The following TANGO6 variants were observed in gnomAD, a reference collection of about 807,000 sequenced individuals.
TANGO6 encodes the protein transport and Golgi organization protein 6 homolog.
TANGO6 carries 90 observed loss-of-function variants against 114.2 expected under a neutral mutation model. The observed-to-expected ratio is 0.79, with a 90% CI of 0.66 to 0.94. The LOEUF (loss-of-function observed/expected upper bound fraction) is 0.94. TANGO6 is among the 40% of genes least tolerant of loss of function. The pLI is 0.00. For missense variants in TANGO6, 1,274 were observed against 1,315.3 expected, an observed-to-expected ratio of 0.97 and a Z score of 0.49; for synonymous variants, 477 against 509.8, an observed-to-expected ratio of 0.94 and a Z score of 0.87.
chr16:68,877,104 T>C (rs113652508), intron 5 of TANGO6, among the ~76,000 whole-genome samples: 67 of 152,356 alleles, frequency 4.4e-4, no homozygotes, highest in African/African-American at 1.5e-3. Flanking sequence ...ATATGCTTTA[T>C]GTACCTATTT....
rs1271005258 is a variant in TANGO6 at position 68,860,523 on chromosome 16, A to T, written c.734A>T (p.Glu245Val). Residue 245 changes from glutamate (E) to valine (V), a missense_variant and splice_region_variant, in exon 2 of 18, where the codon GAG becomes GTG. This residue lies in a region of TANGO6 where 908 missense variants were observed against 910.2 expected (regional missense o/e 1.00). Coordinates refer to ENST00000261778, the MANE Select transcript of TANGO6 (RefSeq NM_024562.2). ...TKRKLLTPAE[E>V]VLTEEERTLS... ...AGAAAACTGCTAACACCTGCAGAAG[A>T]GGTAAATATACATTGAGAAAGAGAG... is the stretch of plus-strand genomic sequence containing the variant. 1.2e-6 allele frequency: 2 copies of T among 1,610,380 alleles called. No homozygotes were observed. Among genetic ancestry groups the T allele is most frequent in the Admixed American group, 1.7e-5 (1 of 59,942 alleles).
chr16:68,983,545 C>G (rs1368450111), intron 15 of TANGO6, among the ~76,000 whole-genome samples: 4 of 152,096 alleles, frequency 2.6e-5, no homozygotes, highest in African/African-American at 9.7e-5. Context: ...GAGGTCAACT[C>G]ATAGACAAAT....
At chr16:68,982,803 A>G (rs1047420734) in intron 15 of TANGO6, among the ~76,000 whole-genome samples, 3 of 151,804 alleles carry the variant, frequency 2.0e-5, no homozygotes, top group Non-Finnish European at 4.4e-5. Flanking sequence ...ACCTTCGTAT[A>G]TATGCCTCTT....
intron 17 of TANGO6, among the ~76,000 whole-genome samples, chr16:69,066,373 CA>C (rs936384955): frequency 6.6e-6 from 1 of 152,186 alleles, no homozygotes; most frequent in Non-Finnish European, 1.5e-5. Flanking sequence ...TGGCTCGCTG[CA>C]ACCTCTGCCT....
chr16:69,008,115 T>C (rs1287251014), intron 15 of TANGO6, among the ~76,000 whole-genome samples: 1 of 152,090 alleles, frequency 6.6e-6, no homozygotes. Flanking sequence ...AAAAAAAGAA[T>C]AGGCTTTTTC....
chr16:68,951,850 G>C (rs1365524197), intron 14 of TANGO6, among the ~76,000 whole-genome samples: 1 of 152,134 alleles, frequency 6.6e-6, no homozygotes, highest in Non-Finnish European at 1.5e-5. Flanking sequence ...CTGACCTTGT[G>C]ATCCACCCGC....
chr16:68,905,173 T>A (rs1371605972), intron 9 of TANGO6, among the ~76,000 whole-genome samples: 1 of 151,406 alleles, frequency 6.6e-6, no homozygotes, highest in Admixed American at 6.6e-5. Flanking sequence ...GAGGTTGCGG[T>A]GGGCCGAGAT....
intron 11 of TANGO6, among the ~76,000 whole-genome samples, chr16:68,917,775 T>C (rs1963027224): frequency 6.6e-6 from 1 of 152,154 alleles, no homozygotes; most frequent in Non-Finnish European, 1.5e-5. Flanking sequence ...CTTTTCAAGA[T>C]AGGATCTCTC....
intron 17 of TANGO6, among the ~76,000 whole-genome samples, chr16:69,058,660 C>T (rs1960070727): frequency 2.6e-5 from 4 of 152,112 alleles, no homozygotes. Flanking sequence ...GCTTCCTTAA[C>T]CATTGGACTT....
chr16:68,847,623 C>A (rs1366467280), intron 1 of TANGO6, among the ~76,000 whole-genome samples: 1 of 152,202 alleles, frequency 6.6e-6, no homozygotes, highest in Non-Finnish European at 1.5e-5. Flanking sequence ...AAATAACACT[C>A]ATTTCCGTTT....
chr16:68,984,124 A>G (rs1474257268), intron 15 of TANGO6, among the ~76,000 whole-genome samples: 1 of 152,166 alleles, frequency 6.6e-6, no homozygotes, highest in African/African-American at 2.4e-5. Flanking sequence ...TTCAGGTGAA[A>G]AGGGAGGTTG....
intron 1 of TANGO6, among the ~76,000 whole-genome samples, chr16:68,844,429 G>A (rs184350890): frequency 7.6e-4 from 116 of 152,264 alleles, no homozygotes; most frequent in African/African-American, 2.7e-3. Flanking sequence ...AAATTGTTCA[G>A]TATAGGGGCT....
intron 17 of TANGO6, among the ~76,000 whole-genome samples, chr16:69,047,079 G>A (rs931937084): frequency 5.9e-5 from 9 of 151,462 alleles, no homozygotes; most frequent in African/African-American, 1.2e-4. Flanking sequence ...TTCTCAAGAG[G>A]CTGAGGTAGG....
intron 14 of TANGO6, among the ~76,000 whole-genome samples, chr16:68,947,048 T>G (rs1468555685): frequency 2.0e-5 from 3 of 152,238 alleles, no homozygotes; most frequent in African/African-American, 7.2e-5. Context: ...GCAAATAATT[T>G]GAACCATGTT....
At chr16:68,927,240 A>G (rs913346363) in intron 12 of TANGO6, among the ~76,000 whole-genome samples, 6 of 152,150 alleles carry the variant, frequency 3.9e-5, no homozygotes, top group African/African-American at 1.2e-4. Context: ...ACTATCTTCC[A>G]GTCTGTGACC....
intron 12 of TANGO6, among the ~76,000 whole-genome samples, chr16:68,922,909 C>CTTGG (rs1054714362): frequency 7.0e-5 from 9 of 129,472 alleles, no homozygotes; most frequent in African/African-American, 2.4e-4. Flanking sequence ...GGGGCTTTAG[C>CTTGG]TTGGTCTTAC....
Position 68,909,343 on chromosome 16 carries a change from C to T in TANGO6, c.1933C>T (p.Gln645Ter), listed in dbSNP as rs916657325. The T allele has an allele frequency of 5.6e-6, 9 of 1,607,682 alleles. No homozygotes were observed. Among genetic ancestry groups the T allele is most frequent in the Non-Finnish European group, 7.6e-6 (9 of 1,176,540 alleles). ...CCAAGAGCGGAAGCTGCTTGTCCTG[C>T]AGCTGATGGCTGTTCTGTGCGAGAG... The part of the protein sequence containing the change: ...EGQERKLLVL[Q>*]LMAVLCERMS... Residue 645 changes from glutamine (Q) to a stop codon, truncating the protein, a stop_gained, in exon 11 of 18, where the codon CAG becomes TAG. Coordinates refer to ENST00000261778, the MANE Select transcript of TANGO6 (RefSeq NM_024562.2). LOFTEE classifies it high-confidence loss of function.
chr16:68,889,638 A>G (rs1211749140), intron 7 of TANGO6, among the ~76,000 whole-genome samples: 1 of 152,226 alleles, frequency 6.6e-6, no homozygotes, highest in Non-Finnish European at 1.5e-5. Flanking sequence ...CGAAAGAAGT[A>G]TCTTCAAGGC....
At chr16:69,046,041 G>C (rs1194129181) in intron 17 of TANGO6, among the ~76,000 whole-genome samples, 2 of 142,118 alleles carry the variant, frequency 1.4e-5, no homozygotes, top group African/African-American at 5.2e-5. Flanking sequence ...TCCAGTCTGG[G>C]TGATAGAGCG....
Sources: gnomAD v4.1 joint callset for allele counts (sites outside exome capture counted in the v4.1 genomes callset) on GRCh38, gnomAD v4.1.1 for gene constraint, gnomAD v4.1.1 regional missense constraint, MANE v1.5 for transcripts, NCBI Gene and HGNC (gene_info 2026-07-23, HGNC 2026-07-21) for gene names.